Variants in NRCAM observed in about 807,000 individuals in gnomAD.
NRCAM encodes the protein neuronal cell adhesion molecule, also known as NgCAM-related cell adhesion molecule.
A neutral mutation model predicts 156.5 loss-of-function variants in NRCAM; 83 were observed. The observed-to-expected ratio is 0.53, with a 90% confidence interval of 0.44 to 0.64. NRCAM has a LOEUF of 0.64. Among genes scored for constraint, NRCAM ranks in the 30% least tolerant of loss-of-function variants. NRCAM has a pLI of 0.00. For missense variants in NRCAM, 1,417 were observed against 1,597.3 expected (o/e 0.89, Z 1.92); for synonymous variants, 538 against 563.9 (o/e 0.95, Z 0.65).
At chr7:108,425,566 A>C (rs1816121567) in intron 1 of NRCAM, among the ~76,000 whole-genome samples, 2 of 152,216 alleles carry the variant, frequency 1.3e-5, no homozygotes, top group African/African-American at 4.8e-5. Flanking sequence ...ATATATCCCA[A>C]CAATTTTGCT....
intron 2 of NRCAM, among the ~76,000 whole-genome samples, chr7:108,389,214 TTG>T: frequency 6.6e-6 from 1 of 152,360 alleles, no homozygotes; most frequent in East Asian, 1.9e-4. Context: ...TTCCATTTGT[TTG>T]TGTCCTCTCT....
intron 2 of NRCAM, among the ~76,000 whole-genome samples, chr7:108,363,808 G>C (rs1328270229): frequency 1.3e-5 from 2 of 152,138 alleles, no homozygotes; most frequent in Non-Finnish European, 2.9e-5. Flanking sequence ...AATCACAATA[G>C]AGGGATATCT....
In NRCAM at chr7:108,169,482, C is replaced by G. The variant is rs4730292; in HGVS notation, c.3188-1080G>C. Reference sequence around the variant, plus strand: ...GATATGTTTATAAAATGTAGACGCTCAAGACCTTTGTTCAAATAAATGTAA... The same window carrying G: ...GATATGTTTATAAAATGTAGACGCTGAAGACCTTTGTTCAAATAAATGTAA... On this transcript the variant is annotated intron_variant, in intron 28 of 32. Coordinates refer to ENST00000379028, the MANE Select transcript of NRCAM (RefSeq NM_001037132.4). Among the ~76,000 whole-genome samples the G allele has an allele frequency of 7.9e-5, 12 of 152,202 alleles. No individual in the cohort carries two copies. In the South Asian group the frequency reaches 1.9e-3, roughly 24 times the overall value.
intron 2 of NRCAM, among the ~76,000 whole-genome samples, chr7:108,371,931 C>A (rs1385785851): frequency 6.6e-6 from 1 of 152,054 alleles, no homozygotes; most frequent in East Asian, 1.9e-4. Flanking sequence ...TGAGAAAGAA[C>A]AAAGCTGGAG....
chr7:108,198,006 G>C lies in NRCAM; in HGVS notation c.1301C>G (p.Ala434Gly), dbSNP rs767882338. 4 of 1,588,338 alleles carry C rather than the reference G, an allele frequency of 2.5e-6. No individual in the cohort carries two copies. Among genetic ancestry groups the C allele is most frequent in the Non-Finnish European group, 3.4e-6 (4 of 1,166,608 alleles). ...CAGTAAATATCCATATTCATTAGAGGCATTGCACTGATAGACTGCACTTGA... is the reference window on the plus strand; with the variant it reads ...CAGTAAATATCCATATTCATTAGAGCCATTGCACTGATAGACTGCACTTGA... ...ERSSAVYQCN[A>G]SNEYGYLLAN... Residue 434 changes from alanine (A) to glycine (G), a missense_variant, in exon 14 of 33, where the codon GCC (alanine) becomes GGC (glycine). By Grantham distance (60) the Ala-to-Gly change is moderately conservative. Around this residue, in one of 2 missense-constraint regions of NRCAM, gnomAD observed 1,238 missense variants for 1,336.4 expected, o/e 0.93. Coordinates refer to ENST00000379028, the MANE Select transcript of NRCAM (RefSeq NM_001037132.4).
intron 11 of NRCAM, among the ~76,000 whole-genome samples, chr7:108,222,648 T>C (rs1588953117): frequency 6.6e-6 from 1 of 152,018 alleles, no homozygotes; most frequent in Admixed American, 6.6e-5. Context: ...GAGTAATGCA[T>C]AGTATGATTT....
intron 3 of NRCAM, among the ~76,000 whole-genome samples, chr7:108,301,934 T>G (rs1276501842): frequency 1.3e-5 from 2 of 152,122 alleles, no homozygotes; most frequent in South Asian, 4.2e-4. Context: ...TAGGGTTAAA[T>G]GCCTTTCATC....
intron 3 of NRCAM, among the ~76,000 whole-genome samples, chr7:108,307,209 C>T (rs960271265): frequency 6.6e-6 from 1 of 152,176 alleles, no homozygotes; most frequent in Admixed American, 6.5e-5. Context: ...AAGCAGCAGC[C>T]GGGGAGAAGG....
At chr7:108,174,441 T>G (rs2059709122) in intron 28 of NRCAM, among the ~76,000 whole-genome samples, 1 of 152,242 alleles carries the variant, frequency 6.6e-6, no homozygotes, top group Non-Finnish European at 1.5e-5. Context: ...TCACCTGATG[T>G]GCGAAAGCCC....
intron 2 of NRCAM, among the ~76,000 whole-genome samples, chr7:108,398,389 C>T (rs2099782914): frequency 6.6e-6 from 1 of 152,084 alleles, no homozygotes; most frequent in East Asian, 1.9e-4. Flanking sequence ...ATTCTCCTCG[C>T]TCTCCCCCAT....
intron 3 of NRCAM, among the ~76,000 whole-genome samples, chr7:108,260,872 C>A (rs1041159814): frequency 4.6e-5 from 7 of 152,108 alleles, no homozygotes; most frequent in Non-Finnish European, 1.0e-4. Context: ...GGAGGATAGG[C>A]CATTTGGGGA....
intron 1 of NRCAM, among the ~76,000 whole-genome samples, chr7:108,451,602 A>G (rs138361149): frequency 8.5e-4 from 130 of 152,364 alleles, no homozygotes; most frequent in African/African-American, 3.0e-3. Flanking sequence ...ATATACATAC[A>G]ATGAAATATT....
intron 4 of NRCAM, among the ~76,000 whole-genome samples, chr7:108,238,146 T>G (rs1446376306): frequency 6.6e-6 from 1 of 152,200 alleles, no homozygotes; most frequent in Non-Finnish European, 1.5e-5. Context: ...TCACATACTG[T>G]GTAGTGTCTG....
intron 3 of NRCAM, among the ~76,000 whole-genome samples, chr7:108,284,170 A>T (rs1034508928): frequency 6.6e-6 from 1 of 152,014 alleles, no homozygotes; most frequent in Non-Finnish European, 1.5e-5. Flanking sequence ...TTGTCCGAAA[A>T]TTCTATTCTA....
chr7:108,359,036 A>G (rs1040421924), intron 2 of NRCAM, among the ~76,000 whole-genome samples: 1 of 152,220 alleles, frequency 6.6e-6, no homozygotes, highest in Non-Finnish European at 1.5e-5. Flanking sequence ...TATTTTGTCT[A>G]GTTCATTACA....
intron 3 of NRCAM, among the ~76,000 whole-genome samples, chr7:108,310,352 C>T (rs1054017555): frequency 3.3e-5 from 5 of 152,150 alleles, no homozygotes; most frequent in African/African-American, 4.8e-5. Flanking sequence ...CATTTTAGCT[C>T]AAGGTTTTCA....
chr7:108,387,864 C>G (rs2099746158), intron 2 of NRCAM, among the ~76,000 whole-genome samples: 1 of 152,130 alleles, frequency 6.6e-6, no homozygotes, highest in South Asian at 2.1e-4. Context: ...CAGCTTCATC[C>G]ATGTCCCTGC....
intron 2 of NRCAM, among the ~76,000 whole-genome samples, chr7:108,314,559 C>T (rs2098860108): frequency 6.6e-6 from 1 of 152,172 alleles, no homozygotes; most frequent in African/African-American, 2.4e-5. Context: ...CCAAAGCCCA[C>T]AGTACACATA....
At chr7:108,371,415 GAAGGGATCAA>G (rs777469240) in intron 2 of NRCAM, among the ~76,000 whole-genome samples, 1 of 152,094 alleles carries the variant, frequency 6.6e-6, no homozygotes, top group Non-Finnish European at 1.5e-5. Context: ...GAATAAAGTG[GAAGGGATCAA>G]AAGGTCTTTG....
Sources: gnomAD v4.1 joint callset for allele counts (sites outside exome capture counted in the v4.1 genomes callset) on GRCh38, gnomAD v4.1.1 for gene constraint, gnomAD v4.1.1 regional missense constraint, MANE v1.5 for transcripts, NCBI Gene and HGNC (gene_info 2026-07-23, HGNC 2026-07-21) for gene names.